The following AFAP1 variants were observed in gnomAD, a reference collection of about 807,000 sequenced individuals.
AFAP1 encodes the protein actin filament associated protein 1.
AFAP1 carries 75 observed loss-of-function variants against 93.9 expected under a neutral mutation model. The observed-to-expected ratio is 0.80, with a 90% CI of 0.66 to 0.97. The LOEUF (loss-of-function observed/expected upper bound fraction) is 0.97, where lower values mean the gene tolerates loss of function less well. AFAP1 is among the 50% of genes least tolerant of loss of function. The pLI, the probability that AFAP1 is intolerant of heterozygous loss-of-function variation, is 0.00. For synonymous variants in AFAP1, 517 were observed against 430.7 expected (o/e 1.20, Z -2.48); for missense variants, 1,201 against 1,050.8 (o/e 1.14, Z -1.98).
intron 8 of AFAP1, 40 bp from the exon 9 acceptor site, chr4:7,809,803 G>A (rs1315857682): frequency 3.2e-6 from 5 of 1,571,208 alleles, no homozygotes; most frequent in Middle Eastern, 1.7e-4. Context: ...TGTTTTAATT[G>A]TAGATATTAA....
intron 4 of AFAP1, among the ~76,000 whole-genome samples, chr4:7,846,960 G>C (rs1713776132): frequency 6.6e-6 from 1 of 152,214 alleles, no homozygotes; most frequent in African/African-American, 2.4e-5. Flanking sequence ...CTATGTTCTA[G>C]TAGCCCTTTC....
intron 1 of AFAP1, among the ~76,000 whole-genome samples, chr4:7,900,281 A>AC (rs538999015): frequency 1.1e-3 from 111 of 102,944 alleles, no homozygotes; most frequent in Admixed American, 2.0e-3. Flanking sequence ...AAGAAATGAA[A>AC]CCCCCCCAAG....
At chr4:7,923,512 CT>C (rs1720549981) in intron 1 of AFAP1, among the ~76,000 whole-genome samples, 1 of 152,204 alleles carries the variant, frequency 6.6e-6, no homozygotes, top group Non-Finnish European at 1.5e-5. Context: ...TGGAGTCTCG[CT>C]CTGTCACCAG....
chr4:7,849,911 C>G (rs1364422225), intron 4 of AFAP1, among the ~76,000 whole-genome samples: 1 of 152,108 alleles, frequency 6.6e-6, no homozygotes, highest in Non-Finnish European at 1.5e-5. Context: ...CACAGATTCT[C>G]CACTCTTTCA....
intron 17 of AFAP1, among the ~76,000 whole-genome samples, chr4:7,766,082 T>G (rs1365840244): frequency 6.6e-6 from 1 of 152,064 alleles, no homozygotes; most frequent in Non-Finnish European, 1.5e-5. Flanking sequence ...AAAGCTCGAG[T>G]TCAACTCATG....
intron 3 of AFAP1, among the ~76,000 whole-genome samples, chr4:7,865,919 G>A (rs1005442977): frequency 2.2e-4 from 33 of 152,278 alleles, no homozygotes; most frequent in African/African-American, 6.5e-4. Context: ...TTTTTGAGAC[G>A]GAGTCTCGGT....
At position 7,759,050 on chromosome 4, in the gene AFAP1, A is replaced by C. The variant is rs1210528615; in HGVS notation, c.*4715T>G. ...TTAAATATGACTTTAGCTTTTAAAA[A>C]ATACAATAAGGAAATAATTACATTC... is the stretch of plus-strand genomic sequence containing the variant. On this transcript the variant is annotated 3_prime_UTR_variant, in exon 18 of 18. Coordinates refer to ENST00000420658, the MANE Select transcript of AFAP1 (RefSeq NM_001134647.2). The C allele has an allele frequency of 6.5e-6, 1 of 152,688 alleles. No homozygotes were observed. Among genetic ancestry groups the C allele is most frequent in the East Asian group, 1.9e-4 (1 of 5,208 alleles). 9.5% of individuals were successfully genotyped at this position (152,688 alleles called of 1,614,324 possible). A position where few individuals can be genotyped will look rare whatever the true frequency, so the allele number is the denominator to read the frequency against.
At chr4:7,846,446 TGAGG>T (rs1713712017) in intron 4 of AFAP1, among the ~76,000 whole-genome samples, 1 of 152,152 alleles carries the variant, frequency 6.6e-6, no homozygotes, top group South Asian at 2.1e-4. Context: ...CAACGTAAAC[TGAGG>T]GGTTCTGGAG....
chr4:7,806,828 G>A (rs933716434), intron 9 of AFAP1, among the ~76,000 whole-genome samples: 12 of 152,196 alleles, frequency 7.9e-5, no homozygotes, highest in African/African-American at 2.7e-4. Context: ...ATTAGATGCT[G>A]TGGATTCAGT....
At chr4:7,820,695 A>C (rs1325254601) in intron 6 of AFAP1, among the ~76,000 whole-genome samples, 1 of 152,170 alleles carries the variant, frequency 6.6e-6, no homozygotes, top group Admixed American at 6.5e-5. Flanking sequence ...AGGCGTTTCC[A>C]AAGTGTTCCT....
At chr4:7,824,197 A>T (rs1721226287) in intron 6 of AFAP1, among the ~76,000 whole-genome samples, 1 of 152,234 alleles carries the variant, frequency 6.6e-6, no homozygotes, top group South Asian at 2.1e-4. Context: ...ATGAGGTTCA[A>T]TGTGTATTTA....
chr4:7,769,090 G>C, intron 16 of AFAP1, 82 bp from the exon 17 acceptor site: 1 of 1,476,124 alleles, frequency 6.8e-7, no homozygotes, highest in Non-Finnish European at 9.1e-7. Context: ...TTTATTTCAA[G>C]GAAGAAATAA....
At chr4:7,833,157 C>G (rs1205459208) in intron 6 of AFAP1, among the ~76,000 whole-genome samples, 1 of 152,192 alleles carries the variant, frequency 6.6e-6, no homozygotes, top group African/African-American at 2.4e-5. Flanking sequence ...ATAGCTGGGA[C>G]TTAATTAAAC....
intron 17 of AFAP1, among the ~76,000 whole-genome samples, chr4:7,768,431 G>T (rs1028113448): frequency 2.6e-5 from 4 of 152,172 alleles, no homozygotes; most frequent in Non-Finnish European, 5.9e-5. Flanking sequence ...AAGGGGCTGG[G>T]GGAAAGCTTA....
chr4:7,774,705 A>G (rs1199721118), intron 15 of AFAP1, 34 bp downstream of exon 15: 1 of 1,607,332 alleles, frequency 6.2e-7, no homozygotes, highest in South Asian at 1.1e-5. Context: ...TAATACAAAC[A>G]TGCACCCTGG....
At chr4:7,918,484 C>T (rs1720223572) in intron 1 of AFAP1, among the ~76,000 whole-genome samples, 2 of 140,068 alleles carry the variant, frequency 1.4e-5, no homozygotes, top group Non-Finnish European at 3.0e-5. Context: ...ATGAGACATT[C>T]GGCCCAGGTC....
chr4:7,839,782 A>G (rs1276841022), intron 5 of AFAP1, among the ~76,000 whole-genome samples: 1 of 152,174 alleles, frequency 6.6e-6, no homozygotes, highest in African/African-American at 2.4e-5. Context: ...GTTTACCTGT[A>G]CTACTTGGGG....
At chr4:7,921,986 G>T (rs1486558777) in intron 1 of AFAP1, among the ~76,000 whole-genome samples, 1 of 152,194 alleles carries the variant, frequency 6.6e-6, no homozygotes, top group Non-Finnish European at 1.5e-5. Flanking sequence ...ATCTGGGCAT[G>T]GTGGTGCATG....
At chr4:7,802,315 C>T (rs1353020272) in intron 9 of AFAP1, among the ~76,000 whole-genome samples, 1 of 152,176 alleles carries the variant, frequency 6.6e-6, no homozygotes, top group Non-Finnish European at 1.5e-5. Context: ...CCGTGGCCGC[C>T]CTCTTGTGTT....
Sources: gnomAD v4.1 joint callset for allele counts (sites outside exome capture counted in the v4.1 genomes callset) on GRCh38, gnomAD v4.1.1 for gene constraint, MANE v1.5 for transcripts, NCBI Gene and HGNC (gene_info 2026-07-23, HGNC 2026-07-21) for gene names.